SYNRG: variants seen among roughly 807,000 people sequenced by gnomAD.
SYNRG encodes synergin gamma.
Under a neutral mutation model 130.9 loss-of-function variants are expected in SYNRG, and 37 were observed. The observed-to-expected ratio is 0.28, with a 90% CI of 0.22 to 0.37. The LOEUF (loss-of-function observed/expected upper bound fraction) is 0.37. Ranked by LOEUF, SYNRG falls within the 10% of genes least tolerant of loss-of-function variation. SYNRG has a pLI of 1.00. For missense variants in SYNRG, 1,338 were observed against 1,588.9 expected (o/e 0.84, Z 2.68); for synonymous variants, 539 against 568.1 (o/e 0.95, Z 0.73).
chr17:37,605,908 C>T (rs888485687), intron 1 of SYNRG: 32 of 985,320 alleles, frequency 3.2e-5, no homozygotes, highest in Non-Finnish European at 3.9e-5. Context: ...TAAACTCCTA[C>T]ATAAAGACTT....
intron 14 of SYNRG, among the ~76,000 whole-genome samples, chr17:37,543,245 A>C (rs1393512683): frequency 4.6e-5 from 7 of 152,128 alleles, no homozygotes; most frequent in African/African-American, 1.7e-4. Context: ...TTTAGCCCTT[A>C]AAAAAATACA....
At chr17:37,595,498 G>A (rs981664587) in intron 3 of SYNRG, among the ~76,000 whole-genome samples, 5 of 152,122 alleles carry the variant, frequency 3.3e-5, no homozygotes, top group African/African-American at 7.2e-5. Context: ...ACTACAAGAC[G>A]GGAGAAAGTG....
At chr17:37,537,809 G>A (rs1253043794) in intron 18 of SYNRG, among the ~76,000 whole-genome samples, 5 of 152,206 alleles carry the variant, frequency 3.3e-5, no homozygotes, top group Non-Finnish European at 7.3e-5. Context: ...TTTGAGTAAA[G>A]ATTTGAAAAA....
In SYNRG at chr17:37,609,392, C is replaced by T; in HGVS notation, c.-37G>A. 1 of 1,395,788 alleles carries T rather than the reference C, an allele frequency of 7.2e-7. No homozygotes were observed. The highest frequency in any genetic ancestry group is 9.3e-7 in the Non-Finnish European group (1 of 1,079,088). 86.5% of individuals were successfully genotyped at this position (1,395,788 alleles called of 1,614,324 possible). ...CCTGCCGCTGCCTTCGCCGCCGCCA[C>T]CTTATCAGCAGCTGTCAGCTGAACA... is the stretch of plus-strand genomic sequence containing the variant. On this transcript the variant is annotated 5_prime_UTR_variant, in exon 1 of 22. The change creates a new upstream start codon in the 5' untranslated region. Coordinates refer to ENST00000612223, the MANE Select transcript of SYNRG (RefSeq NM_007247.6).
chr17:37,579,463 C>T, intron 6 of SYNRG: 1 of 1,294,318 alleles, frequency 7.7e-7, no homozygotes, highest in South Asian at 1.3e-5. Flanking sequence ...CAATGAAACA[C>T]ACAAAAATGG....
At chr17:37,606,132 C>A in intron 1 of SYNRG, 1 of 483,886 alleles carries the variant, frequency 2.1e-6, no homozygotes, top group Non-Finnish European at 2.7e-6. Flanking sequence ...CACAACTCTA[C>A]TTTGCAGTTT....
chr17:37,527,490 G>GGC, intron 19 of SYNRG, among the ~76,000 whole-genome samples: 1 of 152,266 alleles, frequency 6.6e-6, no homozygotes, highest in East Asian at 1.9e-4. Context: ...CAAAGAGAAA[G>GGC]AGAGCATAAA....
intron 9 of SYNRG, 125 bp downstream of exon 9, chr17:37,571,665 AC>A (rs2060443692): frequency 7.3e-6 from 6 of 825,024 alleles, no homozygotes; most frequent in Non-Finnish European, 9.2e-6. Context: ...TTTTTGAAGT[AC>A]TATATCCTGA....
chr17:37,597,165 G>A (rs576867712), intron 2 of SYNRG, among the ~76,000 whole-genome samples: 1 of 152,302 alleles, frequency 6.6e-6, no homozygotes, highest in African/African-American at 2.4e-5. Flanking sequence ...CATGTGGTAA[G>A]GTACTGAGGT....
intron 3 of SYNRG, among the ~76,000 whole-genome samples, chr17:37,595,672 G>C (rs1245128790): frequency 6.6e-6 from 1 of 151,450 alleles, no homozygotes; most frequent in Non-Finnish European, 1.5e-5. Flanking sequence ...AATAAGTAAA[G>C]TATTAGGTAA....
Position 37,517,829 on chromosome 17 carries a change from G to T in SYNRG, c.*1111C>A, listed in dbSNP as rs765274926. 6.6e-6 allele frequency: 1 copy of T among 151,946 alleles called. No individual in the cohort carries two copies. Among genetic ancestry groups the T allele is most frequent in the Non-Finnish European group, 1.5e-5 (1 of 67,990 alleles). 9.4% of individuals were successfully genotyped at this position (151,946 alleles called of 1,614,324 possible). On this transcript the variant is annotated 3_prime_UTR_variant, in exon 22 of 22. Coordinates refer to ENST00000612223, the MANE Select transcript of SYNRG (RefSeq NM_007247.6). The stretch of plus-strand genomic sequence containing the variant: ...GGAATAACACAGCTCTTAGCCACTT[G>T]GGTTTTTCCCCTAATTTTATGCATT...
chr17:37,542,208 G>C lies in SYNRG; in HGVS notation c.2966C>G (p.Thr989Arg), dbSNP rs749039222. 6 of 1,614,078 alleles carry C rather than the reference G, an allele frequency of 3.7e-6. No homozygotes were observed. The highest frequency in any genetic ancestry group is 1.6e-4 in the Middle Eastern group (1 of 6,084). ...TTCAGCCGTAGGCAGGTCCTGTTTT[G>C]TGAAATCTTTATAGTCTCTGTTTTC... ...EYENRDYKDF[T>R]KQDLPTAERS... Residue 989 changes from threonine (T) to arginine (R), a missense_variant, in exon 15 of 22, where the codon ACA becomes AGA. Thr to Arg is a moderately conservative substitution (Grantham distance 71). Transcript: ENST00000612223.
intron 3 of SYNRG, among the ~76,000 whole-genome samples, chr17:37,595,103 G>A (rs1210160580): frequency 6.6e-6 from 1 of 152,194 alleles, no homozygotes; most frequent in African/African-American, 2.4e-5. Flanking sequence ...GTGAAAGCTA[G>A]CTTAACATGA....
chr17:37,608,845 CCTCCAG>C (rs2064075796), intron 1 of SYNRG, among the ~76,000 whole-genome samples: 1 of 152,120 alleles, frequency 6.6e-6, no homozygotes, highest in East Asian at 1.9e-4. Flanking sequence ...TGGAAACAGT[CCTCCAG>C]CTTTGTGAAC....
chr17:37,550,343 A>T (rs1333473924), intron 14 of SYNRG, among the ~76,000 whole-genome samples: 1 of 152,234 alleles, frequency 6.6e-6, no homozygotes, highest in Non-Finnish European at 1.5e-5. Context: ...CAAAGGCTAA[A>T]ATGTACCAAT....
chr17:37,522,134 T>TATACACACAC (rs2055152111), intron 19 of SYNRG, among the ~76,000 whole-genome samples: 1 of 145,036 alleles, frequency 6.9e-6, no homozygotes, highest in South Asian at 2.2e-4. Context: ...TCTAATTCAC[T>TATACACACAC]ACACACACAC....
chr17:37,565,968 G>T lies in SYNRG; in HGVS notation c.1481+2823C>A, dbSNP rs531235584. On this transcript the variant is annotated intron_variant, in intron 11 of 21. Transcript: ENST00000612223. ...CCCCGTCCGGGAGGGAGGTGGGGGGGTCAGCCCCCTGCCCGGCCAGCCGCC... is the reference window on the plus strand; with the variant it reads ...CCCCGTCCGGGAGGGAGGTGGGGGGTTCAGCCCCCTGCCCGGCCAGCCGCC... 2.8e-3 allele frequency among the ~76,000 whole-genome samples: 423 copies of T among 149,088 alleles called. 6 individuals carry two copies. The highest frequency in any genetic ancestry group is 9.8e-3 in the African/African-American group (392 of 39,920).
chr17:37,526,512 T>C (rs772173778), intron 19 of SYNRG, among the ~76,000 whole-genome samples: 4 of 152,198 alleles, frequency 2.6e-5, no homozygotes, highest in Admixed American at 2.6e-4. Context: ...AGCACAAACT[T>C]AATGGCTTAA....
At position 37,520,187 on chromosome 17, in the gene SYNRG, G is replaced by A. The variant is rs2054818074; in HGVS notation, c.3805C>T (p.Pro1269Ser). ...GTGTAACTGGTTCATACTTTTTTAG[G>A]ATGTTCTTCTGCAGGCTTCTCTTCT... is the stretch of plus-strand genomic sequence containing the variant. ...RKEEKPAEEH[P>S]KKAFNSETDS... The change falls in exon 21 of 22, where the codon CCT (proline) becomes TCT (serine). Residue 1269 changes from proline to serine, a missense_variant. Pro to Ser is a moderately conservative substitution (Grantham distance 74, BLOSUM62 -1). Transcript: ENST00000612223. 1.2e-6 allele frequency: 2 copies of A among 1,614,138 alleles called. No homozygotes were observed. The highest frequency in any genetic ancestry group is 1.7e-6 in the Non-Finnish European group (2 of 1,180,012).
Sources: allele counts gnomAD v4.1 joint callset (sites outside exome capture counted in the v4.1 genomes callset), GRCh38; gene constraint gnomAD v4.1.1; transcripts MANE v1.5; gene names NCBI Gene and HGNC (gene_info 2026-07-23, HGNC 2026-07-21).